Variants in ATXN2 observed in about 807,000 individuals in gnomAD.
ATXN2 encodes the protein ataxin 2.
Under a neutral mutation model 138.6 loss-of-function variants are expected in ATXN2, and 37 were observed. The ratio of observed to expected loss-of-function variants is 0.27; its 90% CI spans 0.21 to 0.35. The LOEUF (loss-of-function observed/expected upper bound fraction) is 0.35, where lower values mean the gene tolerates loss of function less well. Ranked by LOEUF, ATXN2 falls within the 10% of genes least tolerant of loss-of-function variation. ATXN2 has a pLI of 1.00. For synonymous variants in ATXN2, 549 were observed against 543.7 expected (o/e 1.01, Z -0.13); for missense variants, 1,216 against 1,480.3 (o/e 0.82, Z 2.93).
intron 18 of ATXN2, among the ~76,000 whole-genome samples, chr12:111,475,294 A>G (rs1308937829): frequency 7.0e-6 from 1 of 141,856 alleles, no homozygotes; most frequent in African/African-American, 2.6e-5. Context: ...CAGTGAGTTG[A>G]GATTGTGCCA....
intron 1 of ATXN2, among the ~76,000 whole-genome samples, chr12:111,590,825 T>C (rs909607714): frequency 3.9e-5 from 6 of 152,074 alleles, no homozygotes; most frequent in African/African-American, 1.4e-4. Context: ...GAACTGCATA[T>C]AGCAAGAGAT....
At chr12:111,496,101 G>A (rs1340495011) in intron 14 of ATXN2, among the ~76,000 whole-genome samples, 2 of 151,994 alleles carry the variant, frequency 1.3e-5, no homozygotes, top group Non-Finnish European at 2.9e-5. Context: ...TTGCAGGTGA[G>A]CCAAGATCAT....
At chr12:111,513,971 C>A (rs1225023441) in intron 10 of ATXN2, among the ~76,000 whole-genome samples, 2 of 151,982 alleles carry the variant, frequency 1.3e-5, no homozygotes, top group Middle Eastern at 3.2e-3. Context: ...GAATTTTCTA[C>A]ATTACTTCTA....
intron 18 of ATXN2, among the ~76,000 whole-genome samples, chr12:111,474,366 G>A (rs1187350288): frequency 6.6e-6 from 1 of 151,798 alleles, no homozygotes; most frequent in Admixed American, 6.6e-5. Context: ...GACTAGCCTG[G>A]GCAAGATAGA....
At chr12:111,491,753 C>T (rs1356746309) in intron 14 of ATXN2, among the ~76,000 whole-genome samples, 1 of 152,152 alleles carries the variant, frequency 6.6e-6, no homozygotes, top group African/African-American at 2.4e-5. Context: ...GGTGCCATGT[C>T]GTATTGTGCC....
At chr12:111,556,765 G>A (rs1238431348) in intron 1 of ATXN2, among the ~76,000 whole-genome samples, 5 of 149,990 alleles carry the variant, frequency 3.3e-5, no homozygotes, top group Non-Finnish European at 7.4e-5. Flanking sequence ...GCAGTGAGCT[G>A]AGACCGCCCC....
chr12:111,483,032 C>T (rs1877358562), intron 18 of ATXN2, among the ~76,000 whole-genome samples: 1 of 151,626 alleles, frequency 6.6e-6, no homozygotes, highest in Admixed American at 6.6e-5. Flanking sequence ...ACAAAAAATA[C>T]AAAAATTAGC....
At chr12:111,480,601 A>G (rs1877160883) in intron 18 of ATXN2, among the ~76,000 whole-genome samples, 1 of 152,100 alleles carries the variant, frequency 6.6e-6, no homozygotes, top group Non-Finnish European at 1.5e-5. Flanking sequence ...CTTGAATCTG[A>G]GAGGCGGAGG....
intron 1 of ATXN2, among the ~76,000 whole-genome samples, chr12:111,573,426 C>T (rs889784294): frequency 6.6e-6 from 1 of 151,964 alleles, no homozygotes; most frequent in East Asian, 1.9e-4. Context: ...AAATTCCTGA[C>T]CTCAGGCGAT....
chr12:111,574,328 A>C (rs953206576), intron 1 of ATXN2, among the ~76,000 whole-genome samples: 3 of 151,454 alleles, frequency 2.0e-5, no homozygotes, highest in Non-Finnish European at 4.4e-5. Context: ...AAAAAAAAAA[A>C]AAAAAGGTAT....
At chr12:111,593,758 G>C (rs147817635) in intron 1 of ATXN2, among the ~76,000 whole-genome samples, 1 of 152,146 alleles carries the variant, frequency 6.6e-6, no homozygotes, top group Non-Finnish European at 1.5e-5. Context: ...ATGTCTCTTT[G>C]GTTAGTAATA....
intron 18 of ATXN2, among the ~76,000 whole-genome samples, chr12:111,479,747 T>C (rs1324208405): frequency 1.3e-5 from 2 of 152,024 alleles, no homozygotes; most frequent in East Asian, 3.9e-4. Flanking sequence ...CAGCTATCAT[T>C]AGTGTTACTG....
chr12:111,575,079 C>T (rs1466717980), intron 1 of ATXN2, among the ~76,000 whole-genome samples: 1 of 152,088 alleles, frequency 6.6e-6, no homozygotes, highest in Admixed American at 6.6e-5. Context: ...AATCCTGTTT[C>T]CCTCCCTTTT....
chr12:111,515,799 A>G (rs1879821656), intron 10 of ATXN2, among the ~76,000 whole-genome samples: 2 of 152,200 alleles, frequency 1.3e-5, no homozygotes, highest in South Asian at 4.1e-4. Flanking sequence ...CTGTAAAATG[A>G]ACCTAAGTTC....
chr12:111,553,167 C>CA (rs1229130808), intron 3 of ATXN2, among the ~76,000 whole-genome samples, 190 bp from the exon 4 acceptor site: 6 of 152,124 alleles, frequency 3.9e-5, no homozygotes, highest in Non-Finnish European at 8.8e-5. Context: ...AGGCTCTACT[C>CA]AGAGTTTGCA....
In ATXN2 at chr12:111,456,067, C is replaced by A; in HGVS notation, c.3232G>T (p.Ala1078Ser). The A allele has an allele frequency of 6.2e-7, 1 of 1,614,140 alleles. No homozygotes were observed. Among genetic ancestry groups the A allele is most frequent in the African/African-American group, 1.3e-5 (1 of 75,024 alleles). ...GCCATGTGGGGTGGGTTGGTATACG[C>A]CGGCTGAACGTGAGAAGGATGGATC... is the stretch of plus-strand genomic sequence containing the variant. The part of the protein sequence containing the change: ...FTIHPSHVQP[A>S]YTNPPHMAHV... The change falls in exon 23 of 25, where the codon GCG becomes TCG. Residue 1078 changes from alanine (A) to serine (S), a missense_variant. Ala to Ser is a moderately conservative substitution (Grantham distance 99). Around this residue, in one of 4 missense-constraint regions of ATXN2, gnomAD observed 490 missense variants for 653.5 expected, o/e 0.75. Transcript: ENST00000673436.
chr12:111,457,448 T>A, intron 21 of ATXN2, 89 bp from the exon 22 acceptor site: 1 of 1,427,980 alleles, frequency 7.0e-7, no homozygotes. Context: ...ACTTTCTTGA[T>A]GGTTACAATG....
intron 2 of ATXN2, among the ~76,000 whole-genome samples, chr12:111,554,733 T>C (rs1465066467): frequency 6.6e-6 from 1 of 152,164 alleles, no homozygotes; most frequent in East Asian, 1.9e-4. Flanking sequence ...GGGATTTTGG[T>C]GGGCAATGAA....
At chr12:111,483,194 TACACACACACACACACACACACACACAC>T (rs59840296) in intron 18 of ATXN2, among the ~76,000 whole-genome samples, 5 of 95,422 alleles carry the variant, frequency 5.2e-5, no homozygotes, top group Admixed American at 4.5e-4. Context: ...ATCAAACACA[TACACACACACACACACACACACACACAC>T]ACACACACAC....
Sources: gnomAD v4.1 joint callset for allele counts (sites outside exome capture counted in the v4.1 genomes callset) on GRCh38, gnomAD v4.1.1 for gene constraint, gnomAD v4.1.1 regional missense constraint, MANE v1.5 for transcripts, NCBI Gene and HGNC (gene_info 2026-07-23, HGNC 2026-07-21) for gene names.